The following IKZF1 variants were observed in gnomAD, a reference collection of about 807,000 sequenced individuals.
IKZF1 encodes IKAROS family zinc finger 1.
Under a neutral mutation model 51.7 loss-of-function variants are expected in IKZF1, and 10 were observed. The ratio of observed to expected loss-of-function variants is 0.19; its 90% confidence interval spans 0.12 to 0.33. The LOEUF is 0.33. Among genes scored for constraint, IKZF1 ranks in the 10% least tolerant of loss-of-function variants. The pLI, the probability that IKZF1 is intolerant of heterozygous loss-of-function variation, is 1.00. For synonymous variants in IKZF1, 280 were observed against 282.3 expected, an observed-to-expected ratio of 0.99 and a Z score of 0.08; for missense variants, 484 against 707.5, an observed-to-expected ratio of 0.68 and a Z score of 3.58.
chr7:50,362,735 A>T (rs773095004), intron 3 of IKZF1, among the ~76,000 whole-genome samples: 4 of 152,060 alleles, frequency 2.6e-5, no homozygotes, highest in African/African-American at 9.7e-5. Context: ...TTTTTTTCTC[A>T]TCGTAACAGT....
chr7:50,304,371 G>A (rs1041892067), upstream of IKZF1: 8 of 149,988 alleles, frequency 5.3e-5, no homozygotes, highest in Non-Finnish European at 1.0e-4. Context: ...TGCGCGCGGG[G>A]CCGAGCCGGC....
rs184892856 is a variant in IKZF1, at chr7:50,362,983, G to A, written c.161-13550G>A. On this transcript the variant is annotated intron_variant, in intron 3 of 7. Coordinates refer to ENST00000331340, the MANE Select transcript of IKZF1 (RefSeq NM_006060.6). Reference sequence around the variant, plus strand: ...CTTCATGGCCATGCTGGGATGTGACGTGGTTGGAAAACAATAAGAATGGAG... The same window carrying A: ...CTTCATGGCCATGCTGGGATGTGACATGGTTGGAAAACAATAAGAATGGAG... Among the ~76,000 whole-genome samples the A allele has an allele frequency of 1.5e-3, 233 of 152,220 alleles. 1 individual carries two copies. The highest frequency in any genetic ancestry group is 2.7e-3 in the Admixed American group (42 of 15,290).
chr7:50,305,284 TC>T (rs1788516860), intron 1 of IKZF1, among the ~76,000 whole-genome samples: 1 of 152,252 alleles, frequency 6.6e-6, no homozygotes, highest in South Asian at 2.1e-4. Context: ...CCGGGAGCTT[TC>T]TTTTTATACT....
intron 1 of IKZF1, among the ~76,000 whole-genome samples, chr7:50,305,568 G>A (rs1162581066): frequency 1.3e-5 from 2 of 152,120 alleles, no homozygotes; most frequent in African/African-American, 4.8e-5. Flanking sequence ...ACCGAAAACC[G>A]TAGCGATTCC....
intron 3 of IKZF1, among the ~76,000 whole-genome samples, chr7:50,357,495 G>GCTTAGT (rs1346842405): frequency 6.6e-6 from 1 of 152,118 alleles, no homozygotes; most frequent in Non-Finnish European, 1.5e-5. Flanking sequence ...AGTTGGCATG[G>GCTTAGT]CTTAGTCTTC....
At chr7:50,395,749 T>TA (rs931421752) in intron 7 of IKZF1, among the ~76,000 whole-genome samples, 1 of 152,114 alleles carries the variant, frequency 6.6e-6, no homozygotes, top group African/African-American at 2.4e-5. Flanking sequence ...GCAACTTTTT[T>TA]AAAAAAAAGT....
At chr7:50,337,343 G>A (rs1173026186) in intron 3 of IKZF1, among the ~76,000 whole-genome samples, 2 of 152,142 alleles carry the variant, frequency 1.3e-5, no homozygotes, top group Non-Finnish European at 2.9e-5. Context: ...AGGGTAGGCC[G>A]GCGTGAGTCA....
intron 3 of IKZF1, among the ~76,000 whole-genome samples, chr7:50,341,192 G>A (rs1437164154): frequency 1.4e-5 from 2 of 141,862 alleles, no homozygotes; most frequent in African/African-American, 5.3e-5. Context: ...AGCCCAGGCT[G>A]GAGTGCAGTG....
Position 50,327,457 on chromosome 7 carries a change from T to C in IKZF1, c.41-181T>C, listed in dbSNP as rs1476591812. On this transcript the variant is annotated intron_variant, in intron 2 of 7. Coordinates refer to ENST00000331340, the MANE Select transcript of IKZF1 (RefSeq NM_006060.6). ...TTGCACATCTATGTTCTCTCATTTG[T>C]ATTGTGTGGGGAGAAGTGACTTTTT... 3 of 568,066 alleles carry C rather than the reference T, an allele frequency of 5.3e-6. No homozygotes were observed. In the African/African-American group the frequency reaches 5.6e-5, roughly 11 times the overall value. 35.2% of individuals were successfully genotyped at this position (568,066 alleles called of 1,614,324 possible). A position where few individuals can be genotyped will look rare whatever the true frequency, so the allele number is the denominator to read the frequency against.
intron 3 of IKZF1, among the ~76,000 whole-genome samples, chr7:50,364,666 A>C (rs1165759138): frequency 6.6e-6 from 1 of 152,254 alleles, no homozygotes; most frequent in African/African-American, 2.4e-5. Context: ...AGAGAGTGAG[A>C]AAAAGCAGGT....
At chr7:50,396,523 C>T (rs1294226021) in intron 7 of IKZF1, among the ~76,000 whole-genome samples, 1 of 152,150 alleles carries the variant, frequency 6.6e-6, no homozygotes, top group Non-Finnish European at 1.5e-5. Flanking sequence ...TTGGAATTAA[C>T]GATTTTTTCC....
chr7:50,343,150 C>T (rs1799481649), intron 3 of IKZF1, among the ~76,000 whole-genome samples: 1 of 125,496 alleles, frequency 8.0e-6, no homozygotes, highest in Non-Finnish European at 1.7e-5. Context: ...TCCTTCCTTT[C>T]TTTCTTCCCT....
intron 7 of IKZF1, among the ~76,000 whole-genome samples, chr7:50,392,470 C>T (rs1198838989): frequency 1.3e-5 from 2 of 152,170 alleles, no homozygotes; most frequent in East Asian, 3.8e-4. Context: ...ACCAACACCA[C>T]CATCCAGCCA....
At chr7:50,333,767 TC>T (rs1412290648) in intron 3 of IKZF1, among the ~76,000 whole-genome samples, 1 of 152,194 alleles carries the variant, frequency 6.6e-6, no homozygotes, top group Non-Finnish European at 1.5e-5. Context: ...TTAGTTCCTT[TC>T]CCCCTTCATA....
At chr7:50,354,940 C>T (rs1369049735) in intron 3 of IKZF1, among the ~76,000 whole-genome samples, 2 of 152,142 alleles carry the variant, frequency 1.3e-5, no homozygotes, top group South Asian at 2.1e-4. Flanking sequence ...AAAAACGTCA[C>T]TTTGGGTAGG....
Position 50,399,912 on chromosome 7 carries a change from C to G in IKZF1, c.851-6C>G. 6.2e-7 allele frequency: 1 copy of G among 1,608,122 alleles called. No individual in the cohort carries two copies. Among genetic ancestry groups the G allele is most frequent in the Non-Finnish European group, 8.5e-7 (1 of 1,178,266 alleles). ...CGCCCCACTCACTGTCGCCTGCTTT[C>G]CACAGGGGACAAGGGCCTGTCCGAC... On this transcript the variant is annotated splice_polypyrimidine_tract_variant and splice_region_variant and intron_variant, in intron 7 of 7. Coordinates refer to ENST00000331340, the MANE Select transcript of IKZF1 (RefSeq NM_006060.6).
intron 3 of IKZF1, chr7:50,368,320 G>A (rs1158282444): frequency 1.4e-6 from 1 of 703,148 alleles, no homozygotes; most frequent in Non-Finnish European, 2.6e-6. Context: ...AGCACTGATG[G>A]GATTGTTACT....
chr7:50,362,940 G>T (rs1230394152), intron 3 of IKZF1, among the ~76,000 whole-genome samples: 1 of 152,214 alleles, frequency 6.6e-6, no homozygotes, highest in Non-Finnish European at 1.5e-5. Context: ...GGCTGCCTTG[G>T]CTGGGCAAAG....
intron 7 of IKZF1, 102 bp downstream of exon 7, chr7:50,391,965 T>G: frequency 2.1e-6 from 3 of 1,419,526 alleles, no homozygotes; most frequent in Non-Finnish European, 1.9e-6. Flanking sequence ...AAAAATCTTA[T>G]TTTTTCAAAA....
Sources: gnomAD v4.1 joint callset for allele counts (sites outside exome capture counted in the v4.1 genomes callset) on GRCh38, gnomAD v4.1.1 for gene constraint, MANE v1.5 for transcripts, NCBI Gene and HGNC (gene_info 2026-07-23, HGNC 2026-07-21) for gene names.